The following PLCH1 variants were observed in gnomAD, a reference collection of about 807,000 sequenced individuals.
PLCH1 encodes the protein 1-phosphatidylinositol 4,5-bisphosphate phosphodiesterase eta-1.
Under a neutral mutation model 126.7 loss-of-function variants are expected in PLCH1, and 60 were observed. The observed-to-expected ratio is 0.47, with a 90% CI of 0.38 to 0.59. PLCH1 has a LOEUF of 0.59. Among genes scored for constraint, PLCH1 ranks in the 20% least tolerant of loss-of-function variants. The pLI, the probability that PLCH1 is intolerant of heterozygous loss-of-function variation, is 0.00. For missense variants in PLCH1, 1,723 were observed against 2,040.0 expected (o/e 0.84, Z 2.99); for synonymous variants, 719 against 734.9 (o/e 0.98, Z 0.35).
chr3:155,728,560 C>G (rs1748516720), intron 1 of PLCH1, among the ~76,000 whole-genome samples: 1 of 152,122 alleles, frequency 6.6e-6, no homozygotes, highest in Non-Finnish European at 1.5e-5. Context: ...AAATCTAACT[C>G]TAAAGATTTC....
chr3:155,557,509 C>T (rs1726982044), intron 8 of PLCH1, among the ~76,000 whole-genome samples: 1 of 152,134 alleles, frequency 6.6e-6, no homozygotes, highest in Non-Finnish European at 1.5e-5. Context: ...GGAGGTTCTC[C>T]TAATGTTCAA....
chr3:155,465,972 C>T (rs888798802), intron 21 of PLCH1, among the ~76,000 whole-genome samples: 1 of 152,204 alleles, frequency 6.6e-6, no homozygotes, highest in African/African-American at 2.4e-5. Context: ...CACAATACAA[C>T]AGAACACCGG....
intron 12 of PLCH1, among the ~76,000 whole-genome samples, chr3:155,510,913 A>T (rs1418136423): frequency 9.6e-6 from 1 of 104,476 alleles, no homozygotes; most frequent in Non-Finnish European, 1.8e-5. Context: ...GCCTTGCTAG[A>T]TTGGGGAAGT....
At chr3:155,456,357 A>T (rs1433166916) in intron 21 of PLCH1, among the ~76,000 whole-genome samples, 1 of 150,694 alleles carries the variant, frequency 6.6e-6, no homozygotes, top group Non-Finnish European at 1.5e-5. Flanking sequence ...AAAAAATCTC[A>T]TAATGGTTTA....
At chr3:155,475,035 A>G (rs1377483049), downstream of PLCH1, among the ~76,000 whole-genome samples, 1 of 149,258 alleles carries the variant, frequency 6.7e-6, no homozygotes, top group African/African-American at 2.5e-5. Flanking sequence ...TATGTAACTA[A>G]CCTGCACAAT....
chr3:155,699,526 C>T (rs2109068071), intron 2 of PLCH1, among the ~76,000 whole-genome samples: 1 of 152,198 alleles, frequency 6.6e-6, no homozygotes, highest in Non-Finnish European at 1.5e-5. Flanking sequence ...TAAAGAAATG[C>T]TACTCTAACA....
chr3:155,702,108 A>G (rs529191478), intron 2 of PLCH1, among the ~76,000 whole-genome samples: 1 of 152,282 alleles, frequency 6.6e-6, no homozygotes, highest in African/African-American at 2.4e-5. Flanking sequence ...TCTTGTGTTT[A>G]GTGAAAAGGG....
chr3:155,634,369 G>T (rs1052223069), intron 2 of PLCH1, among the ~76,000 whole-genome samples: 1 of 152,090 alleles, frequency 6.6e-6, no homozygotes, highest in Non-Finnish European at 1.5e-5. Context: ...TAAGCATTGC[G>T]CAAGGTAGTT....
At chr3:155,470,824 CTA>C (rs1219853065) in intron 21 of PLCH1, among the ~76,000 whole-genome samples, 2 of 151,884 alleles carry the variant, frequency 1.3e-5, no homozygotes, top group African/African-American at 4.8e-5. Context: ...TCCAGCCAAA[CTA>C]AGCTTCATAA....
At chr3:155,701,780 C>A (rs1315607977) in intron 2 of PLCH1, among the ~76,000 whole-genome samples, 7 of 152,202 alleles carry the variant, frequency 4.6e-5, no homozygotes, top group Non-Finnish European at 1.0e-4. Flanking sequence ...CAAGACTTCT[C>A]ACAATTCTTC....
intron 1 of PLCH1, among the ~76,000 whole-genome samples, chr3:155,711,350 C>T (rs530018292): frequency 7.2e-5 from 11 of 152,182 alleles, no homozygotes; most frequent in East Asian, 1.9e-4. Flanking sequence ...GTAGTTAACA[C>T]GACCAAAATT....
At chr3:155,614,396 A>G (rs1735517353) in intron 2 of PLCH1, among the ~76,000 whole-genome samples, 1 of 152,194 alleles carries the variant, frequency 6.6e-6, no homozygotes, top group Non-Finnish European at 1.5e-5. Flanking sequence ...ACTTCAAACT[A>G]TACTACAAGG....
At chr3:155,622,670 C>T (rs1454470427) in intron 2 of PLCH1, among the ~76,000 whole-genome samples, 5 of 136,810 alleles carry the variant, frequency 3.7e-5, no homozygotes, top group Admixed American at 3.6e-4. Flanking sequence ...GAGACAAGGG[C>T]ATTACATAAT....
chr3:155,514,442 A>G (rs1447304044), intron 12 of PLCH1, among the ~76,000 whole-genome samples: 1 of 152,102 alleles, frequency 6.6e-6, no homozygotes, highest in African/African-American at 2.4e-5. Flanking sequence ...GTGGGCTGAA[A>G]CTTCTTCCCT....
At chr3:155,617,162 A>G (rs1328464703) in intron 2 of PLCH1, among the ~76,000 whole-genome samples, 1 of 152,134 alleles carries the variant, frequency 6.6e-6, no homozygotes, top group Non-Finnish European at 1.5e-5. Context: ...TTACTTGTCA[A>G]TTGTGTCTTT....
intron 6 of PLCH1, among the ~76,000 whole-genome samples, chr3:155,571,409 G>A (rs915299640): frequency 2.0e-5 from 3 of 152,016 alleles, no homozygotes; most frequent in African/African-American, 7.2e-5. Flanking sequence ...TTTTGAAATC[G>A]GTCTTTATAT....
rs359558 is a variant in PLCH1 at position 155,585,990 on chromosome 3, G to C, written c.600+75C>G. Reference sequence around the variant, plus strand: ...TATTAGCTTCCAACAAAACAAAATAGCTTTTTAATATACCTAAGTATGTTA... The same window carrying C: ...TATTAGCTTCCAACAAAACAAAATACCTTTTTAATATACCTAAGTATGTTA... On this transcript the variant is annotated intron_variant, in intron 5 of 22. Transcript: ENST00000460012. 23,692 of 1,311,784 alleles carry C rather than the reference G, an allele frequency of 0.018. 275 individuals are homozygous for C. Among genetic ancestry groups the C allele is most frequent in the Non-Finnish European group, 0.022 (20,152 of 920,226 alleles). The allele number at this position is 1,311,784 out of a possible 1,614,324, so 81.3% of individuals were successfully genotyped here.
At chr3:155,640,493 T>C (rs1051211510) in intron 2 of PLCH1, among the ~76,000 whole-genome samples, 2 of 152,234 alleles carry the variant, frequency 1.3e-5, no homozygotes, top group Admixed American at 6.5e-5. Context: ...ATCAGCACCC[T>C]GGCTGAAAGT....
At chr3:155,703,704 A>G (rs768754594) in intron 2 of PLCH1, among the ~76,000 whole-genome samples, 9 of 152,186 alleles carry the variant, frequency 5.9e-5, no homozygotes, top group Admixed American at 1.3e-4. Context: ...CTTCTCTTCA[A>G]TAAGTGTCTA....
Sources: allele counts gnomAD v4.1 joint callset (sites outside exome capture counted in the v4.1 genomes callset), GRCh38; gene constraint gnomAD v4.1.1; transcripts MANE v1.5; gene names NCBI Gene and HGNC (gene_info 2026-07-23, HGNC 2026-07-21).